The following ABI3BP variants were observed in gnomAD, a reference collection of about 807,000 sequenced individuals.
ABI3BP encodes ABI family member 3 binding protein.
Under a neutral mutation model 268.6 loss-of-function variants are expected in ABI3BP, and 216 were observed. The ratio of observed to expected loss-of-function variants is 0.80; its 90% CI spans 0.72 to 0.90. The LOEUF (loss-of-function observed/expected upper bound fraction) is 0.90. Among genes scored for constraint, ABI3BP ranks in the 40% least tolerant of loss-of-function variants. The pLI is 0.00. For missense variants in ABI3BP, 2,090 were observed against 2,182.4 expected, an observed-to-expected ratio of 0.96 and a Z score of 0.84; for synonymous variants, 730 against 730.0, an observed-to-expected ratio of 1.00 and a Z score of 0.00.
intron 33 of ABI3BP, among the ~76,000 whole-genome samples, chr3:100,829,033 C>T (rs1328871094): frequency 2.0e-5 from 3 of 152,078 alleles, no homozygotes; most frequent in Non-Finnish European, 2.9e-5. Context: ...GTCAGAGAAA[C>T]TGCCTCCTCA....
At chr3:100,803,570 TATTAAAA>T (rs1266350194) in intron 51 of ABI3BP, among the ~76,000 whole-genome samples, 1 of 118,778 alleles carries the variant, frequency 8.4e-6, no homozygotes, top group African/African-American at 2.6e-5. Context: ...AAATATTAAA[TATTAAAA>T]GAGGAAAAAA....
intron 45 of ABI3BP, 29 bp from the exon 46 acceptor site, chr3:100,812,552 G>T: frequency 1.5e-6 from 2 of 1,290,416 alleles, no homozygotes; most frequent in Non-Finnish European, 2.0e-6. Context: ...TGGTACAATT[G>T]ATAAAGGATA....
rs1454707854 is a variant in ABI3BP, at chr3:100,828,418, T to C, written c.2577A>G (p.Ile859Met). 2 of 1,535,456 alleles carry C rather than the reference T, an allele frequency of 1.3e-6. No individual in the cohort carries two copies. The highest frequency in any genetic ancestry group is 1.2e-5 in the South Asian group (1 of 83,972). ...CGAATGTTGTCCCTGGAGCCTCTTTTATAGGAGAAACTGGTTCAAAGATTG... is the reference window on the plus strand; with the variant it reads ...CGAATGTTGTCCCTGGAGCCTCTTTCATAGGAGAAACTGGTTCAAAGATTG... ...PATIFEPVSP[I>M]KEAPGTTFVP... Residue 859 changes from isoleucine to methionine, a missense_variant, in exon 34 of 68, where the codon ATA (isoleucine) becomes ATG (methionine). By Grantham distance (10) the Ile-to-Met change is conservative. Coordinates refer to ENST00000471714, the MANE Select transcript of ABI3BP (RefSeq NM_001375547.2).
chr3:100,903,962 A>G (rs1046213993), intron 2 of ABI3BP, among the ~76,000 whole-genome samples: 1 of 152,194 alleles, frequency 6.6e-6, no homozygotes, highest in Non-Finnish European at 1.5e-5. Context: ...GTTTGAAAGC[A>G]CATCTTGCTT....
chr3:100,858,651 G>C (rs558685012), intron 14 of ABI3BP, among the ~76,000 whole-genome samples: 70 of 152,326 alleles, frequency 4.6e-4, no homozygotes, highest in South Asian at 1.2e-3. Flanking sequence ...TTTAATGGCT[G>C]ATAAAGAGAA....
chr3:100,989,253 G>A (rs1176291647), intron 1 of ABI3BP, among the ~76,000 whole-genome samples: 2 of 152,068 alleles, frequency 1.3e-5, no homozygotes, highest in African/African-American at 2.4e-5. Flanking sequence ...TCTGTTCTTT[G>A]CAAATTACCT....
chr3:100,948,017 A>G (rs1279803779), intron 1 of ABI3BP, among the ~76,000 whole-genome samples: 2 of 152,162 alleles, frequency 1.3e-5, no homozygotes, highest in Non-Finnish European at 2.9e-5. Context: ...GCATTCTCAG[A>G]CATAAGGAAT....
Position 100,749,869 on chromosome 3 carries a change from A to G in ABI3BP, c.*626T>C, listed in dbSNP as rs570590307. 5.8e-4 allele frequency: 230 copies of G among 396,038 alleles called. 1 individual carries two copies. Among genetic ancestry groups the G allele is most frequent in the African/African-American group, 3.8e-3 (183 of 48,690 alleles). 24.5% of individuals were successfully genotyped at this position (396,038 alleles called of 1,614,324 possible). A position where few individuals can be genotyped will look rare whatever the true frequency, so the allele number is the denominator to read the frequency against. On this transcript the variant is annotated 3_prime_UTR_variant, in exon 68 of 68. Coordinates refer to ENST00000471714, the MANE Select transcript of ABI3BP (RefSeq NM_001375547.2). ...AGCTGAAATGAAATTTACTGATTCA[A>G]TCTTTTTAAGAATTTGTGGATGTTT...
chr3:100,946,834 A>G (rs1360883120), intron 1 of ABI3BP, among the ~76,000 whole-genome samples: 1 of 152,118 alleles, frequency 6.6e-6, no homozygotes, highest in Non-Finnish European at 1.5e-5. Flanking sequence ...TTGAAGCAGA[A>G]TAAATTACTG....
At chr3:100,922,278 AC>A (rs2060449403) in intron 2 of ABI3BP, among the ~76,000 whole-genome samples, 1 of 152,200 alleles carries the variant, frequency 6.6e-6, no homozygotes, top group South Asian at 2.1e-4. Context: ...TTTTAAACAT[AC>A]AGCTTGTGGC....
chr3:100,849,940 G>C, intron 17 of ABI3BP, 105 bp downstream of exon 17: 2 of 924,652 alleles, frequency 2.2e-6, no homozygotes, highest in Middle Eastern at 2.3e-4. Flanking sequence ...GAAATATTTA[G>C]CAAAAACAAA....
chr3:100,797,109 A>G lies in ABI3BP; in HGVS notation c.3758-641T>C, dbSNP rs140506846. 4.3e-3 allele frequency among the ~76,000 whole-genome samples: 660 copies of G among 152,202 alleles called. 7 individuals are homozygous for G. The highest frequency in any genetic ancestry group is 0.016 in the African/African-American group (645 of 41,548). ...TGTCTTCTTTAGTGATGTGGCTTCC[A>G]GTATATTAGGTGTCAAGCATGCTTG... On this transcript the variant is annotated intron_variant, in intron 51 of 67. Coordinates refer to ENST00000471714, the MANE Select transcript of ABI3BP (RefSeq NM_001375547.2).
At chr3:100,758,332 A>G (rs987146446) in intron 63 of ABI3BP, among the ~76,000 whole-genome samples, 2 of 152,252 alleles carry the variant, frequency 1.3e-5, no homozygotes, top group Non-Finnish European at 2.9e-5. Flanking sequence ...CACGGGGGCT[A>G]TAAAAGCATC....
At chr3:100,865,018 A>G (rs895403281) in intron 10 of ABI3BP, 111 bp from the exon 11 acceptor site, 1 of 819,252 alleles carries the variant, frequency 1.2e-6, no homozygotes, top group African/African-American at 1.8e-5. Flanking sequence ...TGTATAGCCC[A>G]TTTCTTTTTG....
intron 2 of ABI3BP, among the ~76,000 whole-genome samples, chr3:100,904,837 A>G (rs911651199): frequency 1.3e-5 from 2 of 152,314 alleles, no homozygotes; most frequent in African/African-American, 2.4e-5. Context: ...TTCAACCATT[A>G]TGGAAGTCAG....
intron 1 of ABI3BP, among the ~76,000 whole-genome samples, chr3:100,979,817 A>C (rs1287985061): frequency 6.6e-6 from 1 of 152,232 alleles, no homozygotes; most frequent in Non-Finnish European, 1.5e-5. Flanking sequence ...TATAGGACTC[A>C]ATGCACATTC....
intron 6 of ABI3BP, 49 bp downstream of exon 6, chr3:100,885,487 T>C (rs1221552809): frequency 2.7e-6 from 3 of 1,105,728 alleles, no homozygotes; most frequent in Admixed American, 2.7e-5. Flanking sequence ...TCCTTAACAA[T>C]GCAGATACAA....
intron 1 of ABI3BP, among the ~76,000 whole-genome samples, chr3:100,989,825 G>A (rs2092637401): frequency 1.3e-5 from 2 of 152,172 alleles, no homozygotes; most frequent in Admixed American, 6.5e-5. Flanking sequence ...AAAGGCCAAT[G>A]GTGCCAAGAA....
At chr3:100,837,276 C>A in intron 26 of ABI3BP, 105 bp from the exon 27 acceptor site, 1 of 823,010 alleles carries the variant, frequency 1.2e-6, no homozygotes, top group Non-Finnish European at 1.8e-6. Flanking sequence ...CTAGTTTATT[C>A]TAAATTAATA....
Sources: allele counts gnomAD v4.1 joint callset (sites outside exome capture counted in the v4.1 genomes callset), GRCh38; gene constraint gnomAD v4.1.1; transcripts MANE v1.5; gene names NCBI Gene and HGNC (gene_info 2026-07-23, HGNC 2026-07-21).